NUP210: variants seen among roughly 807,000 people sequenced by gnomAD.
The protein encoded by NUP210 is nucleoporin 210.
NUP210 carries 151 observed loss-of-function variants against 196.0 expected under a neutral mutation model. The observed-to-expected ratio is 0.77, with a 90% confidence interval of 0.67 to 0.88. The LOEUF (loss-of-function observed/expected upper bound fraction) is 0.88. Among genes scored for constraint, NUP210 ranks in the 40% least tolerant of loss-of-function variants. NUP210 has a pLI of 0.00. For missense variants in NUP210, 2,314 were observed against 2,493.7 expected (o/e 0.93, Z 1.53); for synonymous variants, 1,070 against 1,052.7 (o/e 1.02, Z -0.32).
At chr3:13,364,358 T>C (rs1011455854) in intron 14 of NUP210, among the ~76,000 whole-genome samples, 1 of 152,308 alleles carries the variant, frequency 6.6e-6, no homozygotes, top group South Asian at 2.1e-4. Context: ...TGATCACTAA[T>C]GGACATCTGA....
At chr3:13,329,037 C>T in intron 30 of NUP210, 91 bp from the exon 31 acceptor site, 1 of 1,091,794 alleles carries the variant, frequency 9.2e-7, no homozygotes, top group South Asian at 1.4e-5. Flanking sequence ...CACCTGCCCC[C>T]AGCAGGATCC....
rs1352550032 is a variant in NUP210 at position 13,341,895 on chromosome 3, G to T, written c.3093-12C>A. The T allele has an allele frequency of 1.9e-6, 3 of 1,614,044 alleles. No homozygotes were observed. The highest frequency in any genetic ancestry group is 1.3e-5 in the African/African-American group (1 of 74,932). Reference sequence around the variant, plus strand: ...CTTCATCAAGGGCCCTGAAACAGAGGGAAGGGCTGGGACTTCTCCAAGACC... The same window carrying T: ...CTTCATCAAGGGCCCTGAAACAGAGTGAAGGGCTGGGACTTCTCCAAGACC... On this transcript the variant is annotated splice_polypyrimidine_tract_variant and intron_variant, in intron 22 of 39. Transcript: ENST00000254508.
intron 28 of NUP210, among the ~76,000 whole-genome samples, chr3:13,334,587 C>T (rs1270429563): frequency 2.0e-5 from 3 of 152,116 alleles, no homozygotes; most frequent in African/African-American, 7.2e-5. Flanking sequence ...GAAACTGTTT[C>T]TTTTCTTGGG....
intron 20 of NUP210, among the ~76,000 whole-genome samples, chr3:13,346,584 T>C (rs2280087): frequency 0.62 from 94,808 of 152,128 alleles, 31,147 homozygotes; most frequent in African/African-American, 0.85. Context: ...GGCAGCTCTG[T>C]GCATGTGGGG....
At chr3:13,334,674 C>T (rs1409458488) in intron 28 of NUP210, among the ~76,000 whole-genome samples, 2 of 152,176 alleles carry the variant, frequency 1.3e-5, no homozygotes, top group Non-Finnish European at 2.9e-5. Context: ...AGGAGCAGAA[C>T]GAGGCCCTTG....
Position 13,379,702 on chromosome 3 carries a change from A to G in NUP210, c.837T>C (p.Asp279=), listed in dbSNP as rs1489697189. The change falls in exon 7 of 40, where the codon GAT becomes GAC. Residue 279 remains aspartate (D), a synonymous_variant. Coordinates refer to ENST00000254508, the MANE Select transcript of NUP210 (RefSeq NM_024923.4). This position sits in a 1 kb window ranked among gnomAD's most constrained non-coding sequence, Gnocchi z 4.2. ...GKITELSMPS[D]QYELQLQNSI... The stretch of plus-strand genomic sequence containing the variant: ...TGTTCTGAAGCTGCAACTCGTACTG[A>G]TCGGAAGGCATGGAGAGTTCTGGCC... 1 of 1,600,726 alleles carries G rather than the reference A, an allele frequency of 6.2e-7. No homozygotes were observed. The highest frequency in any genetic ancestry group is 1.3e-5 in the African/African-American group (1 of 74,218).
intron 11 of NUP210, 37 bp downstream of exon 11, chr3:13,375,467 C>T (rs1383389834): frequency 6.3e-7 from 1 of 1,585,682 alleles, no homozygotes; most frequent in African/African-American, 1.3e-5. Context: ...ATGAAAACAC[C>T]AAAGGAATGC....
intron 1 of NUP210, among the ~76,000 whole-genome samples, chr3:13,402,303 A>G (rs2124950470): frequency 6.6e-6 from 1 of 152,250 alleles, no homozygotes; most frequent in Non-Finnish European, 1.5e-5. Context: ...GCCTTTAAAA[A>G]CACTGTGGTA....
chr3:13,416,348 A>AG (rs1205972802), intron 1 of NUP210, among the ~76,000 whole-genome samples: 2 of 152,256 alleles, frequency 1.3e-5, no homozygotes, highest in African/African-American at 4.8e-5. Context: ...CACCTCAGCC[A>AG]GGGGAGCTGC....
Position 13,379,713 on chromosome 3 carries a change from T to G in NUP210, c.826A>C (p.Met276Leu), listed in dbSNP as rs532493661. Residue 276 changes from methionine to leucine, a missense_variant, in exon 7 of 40, where the codon ATG becomes CTG. Met to Leu is a conservative substitution (Grantham distance 15). Transcript: ENST00000254508. The surrounding 1 kb of genome is among the most constrained non-coding windows in gnomAD (Gnocchi z 4.2). Reference protein sequence around the residue: ...IRQGKITELSMPSDQYELQLQ... With the variant: ...IRQGKITELSLPSDQYELQLQ... ...TGCAACTCGTACTGATCGGAAGGCA[T>G]GGAGAGTTCTGGCCACCAAGAAACA... The G allele has an allele frequency of 1.3e-6, 2 of 1,580,750 alleles. No individual in the cohort carries two copies. Among genetic ancestry groups the G allele is most frequent in the Non-Finnish European group, 1.7e-6 (2 of 1,162,784 alleles).
intron 39 of NUP210, 63 bp from the exon 40 acceptor site, chr3:13,317,844 A>T: frequency 8.4e-7 from 1 of 1,197,412 alleles, no homozygotes; most frequent in South Asian, 1.4e-5. Context: ...CTCTTCAGTT[A>T]CAGCCAGCAT....
rs774283605 is a variant in NUP210, at chr3:13,353,943, G to A, written c.2493C>T (p.Asp831=). Residue 831 remains aspartate, a synonymous_variant, in exon 17 of 40, where the codon GAC becomes GAT. Transcript: ENST00000254508. ...PELPMQLVSQ[D]DESGQKKLHG... ...GCAGCTTCTTTTGGCCACTCTCATC[G>A]TCCTGGGACACCAGCTGCATGGGCA... is the stretch of plus-strand genomic sequence containing the variant. 5.2e-5 allele frequency: 83 copies of A among 1,610,082 alleles called. No individual in the cohort carries two copies. The highest frequency in any genetic ancestry group is 1.7e-4 in the Middle Eastern group (1 of 5,868).
In NUP210 at chr3:13,358,401, A is replaced by G. The variant is rs1698259130; in HGVS notation, c.2155-6T>C. 1.9e-6 allele frequency: 3 copies of G among 1,604,646 alleles called. No individual in the cohort carries two copies. Among genetic ancestry groups the G allele is most frequent in the Non-Finnish European group, 2.6e-6 (3 of 1,173,882 alleles). ...CCCACCGACAGGGCGATGACCTGGT[A>G]GGGCACAGTGAACAGTCAGACCCCC... is the stretch of plus-strand genomic sequence containing the variant. On this transcript the variant is annotated splice_region_variant and splice_polypyrimidine_tract_variant and intron_variant, in intron 15 of 39. Transcript: ENST00000254508.
rs1697920182 is a variant in NUP210, at chr3:13,350,251, C to G, written c.2835+1628G>C. ...GTGTGTGTTCAGCAAAATAACACAG[C>G]CTGTGTGTTTGTGTGTGTGTGCGCG... On this transcript the variant is annotated intron_variant, in intron 20 of 39. Coordinates refer to ENST00000254508, the MANE Select transcript of NUP210 (RefSeq NM_024923.4). This position sits in a 1 kb window ranked among gnomAD's most constrained non-coding sequence, Gnocchi z 4.1. 7.0e-6 allele frequency among the ~76,000 whole-genome samples: 1 copy of G among 143,562 alleles called. No individual in the cohort carries two copies. The highest frequency in any genetic ancestry group is 1.5e-5 in the Non-Finnish European group (1 of 66,492). 94.2% of individuals were successfully genotyped at this position (143,562 alleles called of 152,430 possible).
intron 1 of NUP210, among the ~76,000 whole-genome samples, chr3:13,416,406 G>A (rs946277955): frequency 1.3e-5 from 2 of 152,146 alleles, no homozygotes; most frequent in Non-Finnish European, 2.9e-5. Flanking sequence ...CCGGGAGGTC[G>A]CACAACATCC....
chr3:13,416,107 T>C (rs1700340714), intron 1 of NUP210, among the ~76,000 whole-genome samples: 1 of 152,134 alleles, frequency 6.6e-6, no homozygotes, highest in South Asian at 2.1e-4. Flanking sequence ...AGGACTCCCA[T>C]CTACCTGTTT....
chr3:13,380,586 C>T (rs554572999), intron 6 of NUP210, among the ~76,000 whole-genome samples: 6 of 152,304 alleles, frequency 3.9e-5, no homozygotes, highest in African/African-American at 9.6e-5. Flanking sequence ...CCTAAGCCCG[C>T]GGAGCTTCCT....
In NUP210 at chr3:13,342,096, A is replaced by G. The variant is rs61751582; in HGVS notation, c.2992T>C (p.Tyr998His). 852 of 1,614,178 alleles carry G rather than the reference A, an allele frequency of 5.3e-4. 5 individuals carry two copies. The African/African-American group carries it at 0.011, about 20-fold the overall frequency. The change falls in exon 22 of 40, where the codon TAC becomes CAC. Residue 998 changes from tyrosine to histidine, a missense_variant. By Grantham distance (83) the Tyr-to-His change is moderately conservative (BLOSUM62 2). Transcript: ENST00000254508. Reference protein sequence around the residue: ...KVEIGKTVKAYVRVLDLHKKP... With the variant: ...KVEIGKTVKAHVRVLDLHKKP... ...TTGTGCAAGTCCAGCACGCGGACGT[A>G]TGCCTTCACTGTCTTCCCAATCTCC...
Position 13,317,476 on chromosome 3 carries a change from AC to A in NUP210, c.*204del, listed in dbSNP as rs1696313890. On this transcript the variant is annotated 3_prime_UTR_variant, in exon 40 of 40. Coordinates refer to ENST00000254508, the MANE Select transcript of NUP210 (RefSeq NM_024923.4). ...CTTTGTAAGACTTGAAAGGAAAAAAACACACATTTAAAACTCCTACATAAAA... is the reference window on the plus strand; with the variant it reads ...CTTTGTAAGACTTGAAAGGAAAAAAAACACATTTAAAACTCCTACATAAAA... The A allele has an allele frequency of 7.0e-6, 4 of 573,468 alleles. No individual in the cohort carries two copies. The Admixed American group carries it at 9.7e-5, about 14-fold the overall frequency. The allele number at this position is 573,468 out of a possible 1,614,324, so 35.5% of individuals were successfully genotyped here. A position where few individuals can be genotyped will look rare whatever the true frequency, so the allele number is the denominator to read the frequency against.
Sources: gnomAD v4.1 joint callset for allele counts (sites outside exome capture counted in the v4.1 genomes callset) on GRCh38, gnomAD v4.1.1 for gene constraint, Gnocchi (gnomAD v3.1) non-coding constraint, MANE v1.5 for transcripts, NCBI Gene and HGNC (gene_info 2026-07-23, HGNC 2026-07-21) for gene names.